The following TCERG1L variants were observed in gnomAD, a reference collection of about 807,000 sequenced individuals.
TCERG1L encodes transcription elongation regulator 1 like.
Under a neutral mutation model 56.3 loss-of-function variants are expected in TCERG1L, and 37 were observed. That is an observed-to-expected ratio of 0.66 (90% confidence interval 0.51 to 0.87). TCERG1L has a LOEUF of 0.87. Among genes scored for constraint, TCERG1L ranks in the 40% least tolerant of loss-of-function variants. The probability of loss-of-function intolerance (pLI) is 0.00; values close to 1 mark genes in which losing one functional copy is unlikely to be tolerated. For synonymous variants in TCERG1L, 324 were observed against 326.3 expected, an observed-to-expected ratio of 0.99 and a Z score of 0.08; for missense variants, 799 against 774.2, an observed-to-expected ratio of 1.03 and a Z score of -0.38.
At chr10:131,253,389 G>A (rs57415820) in intron 4 of TCERG1L, among the ~76,000 whole-genome samples, 8,793 of 152,112 alleles carry the variant, frequency 0.058, 441 homozygotes, top group African/African-American at 0.13. Context: ...CTGCCCCCCA[G>A]CTTTCAGTAA....
At chr10:131,265,394 G>C (rs930766122) in intron 3 of TCERG1L, among the ~76,000 whole-genome samples, 1 of 152,202 alleles carries the variant, frequency 6.6e-6, no homozygotes, top group Non-Finnish European at 1.5e-5. Flanking sequence ...TATCAGTGAA[G>C]ACAGAAAGTT....
At chr10:131,116,042 C>T (rs1196830392) in intron 9 of TCERG1L, among the ~76,000 whole-genome samples, 1 of 152,190 alleles carries the variant, frequency 6.6e-6, no homozygotes, top group Non-Finnish European at 1.5e-5. Flanking sequence ...TAAACATCCT[C>T]ACACGTGGGG....
chr10:131,121,691 T>C (rs1437410378), intron 8 of TCERG1L, among the ~76,000 whole-genome samples: 1 of 152,118 alleles, frequency 6.6e-6, no homozygotes, highest in Non-Finnish European at 1.5e-5. Flanking sequence ...GGCCTGGGCG[T>C]GGGCACAGAG....
chr10:131,208,790 G>A (rs1845579380), intron 4 of TCERG1L, among the ~76,000 whole-genome samples: 1 of 152,202 alleles, frequency 6.6e-6, no homozygotes, highest in Admixed American at 6.5e-5. Flanking sequence ...GGGCGCAGTG[G>A]CTCACGCCTG....
intron 6 of TCERG1L, chr10:131,156,148 T>C (rs535184706): frequency 6.6e-6 from 1 of 152,330 alleles, no homozygotes; most frequent in East Asian, 1.9e-4. Flanking sequence ...CCATCATTTC[T>C]AATCACCTTT....
intron 6 of TCERG1L, among the ~76,000 whole-genome samples, chr10:131,153,518 T>C (rs1845886336): frequency 6.6e-6 from 1 of 152,178 alleles, no homozygotes; most frequent in South Asian, 2.1e-4. Flanking sequence ...TCATTGACTT[T>C]CTGAGGGATT....
intron 8 of TCERG1L, among the ~76,000 whole-genome samples, chr10:131,131,890 C>T (rs1845622570): frequency 6.6e-6 from 1 of 152,202 alleles, no homozygotes; most frequent in Admixed American, 6.5e-5. Context: ...TTTCAGCAGG[C>T]CCCCTGGAGG....
intron 4 of TCERG1L, among the ~76,000 whole-genome samples, chr10:131,205,230 G>A (rs1845505357): frequency 6.6e-6 from 1 of 152,102 alleles, no homozygotes; most frequent in African/African-American, 2.4e-5. Flanking sequence ...TTTATGGAAC[G>A]CCACATAATT....
At position 131,311,423 on chromosome 10, in the gene TCERG1L, G is replaced by A. The variant is rs1420871367; in HGVS notation, c.213C>T (p.Ala71=). The A allele has an allele frequency of 5.9e-6, 7 of 1,178,142 alleles. No individual in the cohort carries two copies. Among genetic ancestry groups the A allele is most frequent in the Non-Finnish European group, 7.3e-6 (7 of 955,118 alleles). The allele number at this position is 1,178,142 out of a possible 1,614,324, so 73.0% of individuals were successfully genotyped here. The change falls in exon 1 of 12, where the codon GCC becomes GCT. Residue 71 remains alanine, a synonymous_variant. Coordinates refer to ENST00000368642, the MANE Select transcript of TCERG1L (RefSeq NM_174937.4). The surrounding 1 kb of genome is among the most constrained non-coding windows in gnomAD (Gnocchi z 4.0). ...VLLASAPPPA[A]PLLPGLPGWP... ...AGCCGGGGAGACCGGGGAGCAGCGG[G>A]GCCGCGGGCGGCGGGGCCGAGGCGA... is the stretch of plus-strand genomic sequence containing the variant.
chr10:131,244,012 A>G (rs1421602962), intron 4 of TCERG1L, among the ~76,000 whole-genome samples: 2 of 152,248 alleles, frequency 1.3e-5, no homozygotes, highest in Non-Finnish European at 1.5e-5. Flanking sequence ...GCAGCAACAG[A>G]CAACGAAAAC....
At chr10:131,171,397 G>A (rs533379584) in intron 4 of TCERG1L, among the ~76,000 whole-genome samples, 2 of 152,060 alleles carry the variant, frequency 1.3e-5, no homozygotes, top group South Asian at 4.2e-4. Flanking sequence ...CCAGGCCCGA[G>A]GCACCTGTTC....
At chr10:131,134,088 A>C (rs1162615839) in intron 8 of TCERG1L, among the ~76,000 whole-genome samples, 3 of 151,560 alleles carry the variant, frequency 2.0e-5, no homozygotes, top group African/African-American at 7.3e-5. Flanking sequence ...CCCCATGACC[A>C]CTCCTACAGG....
Position 131,311,559 on chromosome 10 carries a change from A to C in TCERG1L, c.77T>G (p.Leu26Arg), listed in dbSNP as rs1012040503. ...CGGCGGCTCTGCGTCCATCGGCCAG[A>C]GGAGAGGCTGCCGCCGCCGGGGCTG... ...QQQPRRRQPL[L>R]WPMDAEPPPP... Residue 26 changes from leucine to arginine, a missense_variant, in exon 1 of 12, where the codon CTC becomes CGC. Coordinates refer to ENST00000368642, the MANE Select transcript of TCERG1L (RefSeq NM_174937.4). The surrounding 1 kb of genome is among the most constrained non-coding windows in gnomAD (Gnocchi z 4.0). The C allele has an allele frequency of 1.1e-5, 13 of 1,133,188 alleles. No homozygotes were observed. Among genetic ancestry groups the C allele is most frequent in the Non-Finnish European group, 1.3e-5 (12 of 926,898 alleles). 70.2% of individuals were successfully genotyped at this position (1,133,188 alleles called of 1,614,324 possible).
At chr10:131,246,124 G>C (rs1243232598) in intron 4 of TCERG1L, among the ~76,000 whole-genome samples, 2 of 152,204 alleles carry the variant, frequency 1.3e-5, no homozygotes, top group East Asian at 1.9e-4. Context: ...CCCATCCCCT[G>C]GCTGGAGGGG....
intron 4 of TCERG1L, among the ~76,000 whole-genome samples, chr10:131,180,268 C>T (rs2133451544): frequency 6.6e-6 from 1 of 152,296 alleles, no homozygotes; most frequent in Non-Finnish European, 1.5e-5. Flanking sequence ...GGCTCACAGG[C>T]AGGGGCGAGT....
intron 6 of TCERG1L, among the ~76,000 whole-genome samples, chr10:131,148,513 CAA>C (rs1845826452): frequency 6.6e-6 from 1 of 151,552 alleles, no homozygotes; most frequent in South Asian, 2.1e-4. Context: ...CAAAGGGACA[CAA>C]ATGCACACAT....
Position 131,192,786 on chromosome 10 carries a change from T to G in TCERG1L, c.857-25901A>C, listed in dbSNP as rs1173826596. Among the ~76,000 whole-genome samples, 2 of 144,064 alleles carry G rather than the reference T, an allele frequency of 1.4e-5. 1 individual carries two copies. Among genetic ancestry groups the G allele is most frequent in the Non-Finnish European group, 3.1e-5 (2 of 65,386 alleles). The allele number at this position is 144,064 out of a possible 152,430, so 94.5% of individuals were successfully genotyped here. A position where few individuals can be genotyped will look rare whatever the true frequency, so the allele number is the denominator to read the frequency against. ...AAAACCAAAAACTGTATGTTCTCAC[T>G]TATAAGTGGGAGCTAAGCTATGAGT... On this transcript the variant is annotated intron_variant, in intron 4 of 11. Coordinates refer to ENST00000368642, the MANE Select transcript of TCERG1L (RefSeq NM_174937.4).
At chr10:131,208,833 G>T (rs1317735052) in intron 4 of TCERG1L, among the ~76,000 whole-genome samples, 2 of 152,104 alleles carry the variant, frequency 1.3e-5, no homozygotes, top group African/African-American at 4.8e-5. Context: ...CGAGGCGGAC[G>T]GATCACGAGG....
chr10:131,267,744 T>C lies in TCERG1L; in HGVS notation c.671-7300A>G, dbSNP rs1231907954. Among the ~76,000 whole-genome samples, 2 of 152,198 alleles carry C rather than the reference T, an allele frequency of 1.3e-5. No individual in the cohort carries two copies. Among genetic ancestry groups the C allele is most frequent in the Non-Finnish European group, 2.9e-5 (2 of 68,028 alleles). On this transcript the variant is annotated intron_variant, in intron 3 of 11. Coordinates refer to ENST00000368642, the MANE Select transcript of TCERG1L (RefSeq NM_174937.4). The surrounding 1 kb of genome is among the most constrained non-coding windows in gnomAD (Gnocchi z 4.9). ...CAAGGGTGGAGGTGGCACAGTTGGC[T>C]GCCTTGGGGACATGGGGCACAGGGA...
Sources: allele counts gnomAD v4.1 joint callset (sites outside exome capture counted in the v4.1 genomes callset), GRCh38; gene constraint gnomAD v4.1.1; non-coding constraint Gnocchi (gnomAD v3.1); transcripts MANE v1.5; gene names NCBI Gene and HGNC (gene_info 2026-07-23, HGNC 2026-07-21).